The following SLC49A4 variants were observed in gnomAD, a reference collection of about 807,000 sequenced individuals.
The protein encoded by SLC49A4 is solute carrier family 49 member 4, also known as disrupted in renal cancer protein 2.
A neutral mutation model predicts 50.6 loss-of-function variants in SLC49A4; 36 were observed. That is an observed-to-expected ratio of 0.71 (90% confidence interval 0.55 to 0.94). SLC49A4 has a LOEUF of 0.94. Among genes scored for constraint, SLC49A4 ranks in the 40% least tolerant of loss-of-function variants. SLC49A4 has a pLI of 0.00. For missense variants in SLC49A4, 503 were observed against 605.7 expected (o/e 0.83, Z 1.78); for synonymous variants, 248 against 241.2 (o/e 1.03, Z -0.26).
intron 2 of SLC49A4, among the ~76,000 whole-genome samples, chr3:122,808,395 A>G (rs1011986955): frequency 2.0e-5 from 3 of 152,220 alleles, no homozygotes; most frequent in East Asian, 1.9e-4. Flanking sequence ...CTAACTGGGA[A>G]GATAACCTTT....
intron 5 of SLC49A4, among the ~76,000 whole-genome samples, chr3:122,849,965 C>T (rs941618528): frequency 5.3e-5 from 8 of 151,986 alleles, no homozygotes; most frequent in African/African-American, 1.9e-4. Context: ...TCAAGTCTTA[C>T]ATTGAACCCT....
chr3:122,845,588 T>C (rs111237342), intron 4 of SLC49A4, among the ~76,000 whole-genome samples, 175 bp from the exon 5 acceptor site: 137 of 149,980 alleles, frequency 9.1e-4, no homozygotes, highest in African/African-American at 3.1e-3. Flanking sequence ...TTTCCTTTTC[T>C]CTGCTACCTT....
intron 2 of SLC49A4, among the ~76,000 whole-genome samples, chr3:122,815,860 C>T (rs780662987): frequency 7.9e-5 from 12 of 152,238 alleles, no homozygotes; most frequent in African/African-American, 2.9e-4. Context: ...GATTTGGGAA[C>T]CTGAAGATTA....
intron 6 of SLC49A4, among the ~76,000 whole-genome samples, chr3:122,857,307 G>GAAAAGAATTAA: frequency 1.0e-5 from 1 of 95,602 alleles, no homozygotes; most frequent in Non-Finnish European, 2.3e-5. Context: ...AAAAAAAAAG[G>GAAAAGAATTAA]AAAAGAATTA....
At chr3:122,856,263 G>A in intron 5 of SLC49A4, 44 bp from the exon 6 acceptor site, 1 of 1,593,300 alleles carries the variant, frequency 6.3e-7, no homozygotes, top group African/African-American at 1.3e-5. Context: ...TTATATTGCA[G>A]TATGATTGTC....
In SLC49A4 at chr3:122,795,249, C is replaced by G. The variant is rs1259277325; in HGVS notation, c.57C>G (p.Leu19=). The part of the protein sequence containing the change: ...EERQPLLGPG[L]GPGLGASWRS... ...GGCAGCCGCTGCTGGGGCCCGGGCT[C>G]GGGCCTGGGCTGGGGGCCTCCTGGA... The change falls in exon 1 of 9, where the codon CTC becomes CTG. Residue 19 remains leucine (L), a synonymous_variant. Coordinates refer to ENST00000261038, the MANE Select transcript of SLC49A4 (RefSeq NM_032839.3). The G allele has an allele frequency of 1.5e-6, 2 of 1,347,606 alleles. No homozygotes were observed. Among genetic ancestry groups the G allele is most frequent in the Non-Finnish European group, 9.4e-7 (1 of 1,059,010 alleles). 83.5% of individuals were successfully genotyped at this position (1,347,606 alleles called of 1,614,324 possible).
At chr3:122,850,837 TACTG>T (rs1936917175) in intron 5 of SLC49A4, among the ~76,000 whole-genome samples, 1 of 152,216 alleles carries the variant, frequency 6.6e-6, no homozygotes, top group African/African-American at 2.4e-5. Context: ...TTAATACAAT[TACTG>T]ACAAGTTTGG....
chr3:122,811,823 TCTTA>T (rs1226901448), intron 2 of SLC49A4, among the ~76,000 whole-genome samples: 4 of 152,214 alleles, frequency 2.6e-5, no homozygotes, highest in Admixed American at 2.6e-4. Context: ...TTTAGTATGT[TCTTA>T]CTTGGAAAAA....
chr3:122,860,588 A>T (rs1213182363), intron 7 of SLC49A4, among the ~76,000 whole-genome samples: 1 of 152,204 alleles, frequency 6.6e-6, no homozygotes, highest in Non-Finnish European at 1.5e-5. Context: ...AAGTTATTTG[A>T]ACCAGCCCCT....
chr3:122,810,204 T>C (rs1215245689), intron 2 of SLC49A4, among the ~76,000 whole-genome samples: 2 of 152,214 alleles, frequency 1.3e-5, no homozygotes, highest in Admixed American at 6.5e-5. Flanking sequence ...ATAGCAGCAT[T>C]CTGACAAGCT....
intron 7 of SLC49A4, among the ~76,000 whole-genome samples, chr3:122,869,325 C>T (rs1937164604): frequency 6.6e-6 from 1 of 151,946 alleles, no homozygotes; most frequent in Non-Finnish European, 1.5e-5. Context: ...GTGTATGTGC[C>T]GTTTATTTTA....
At chr3:122,795,859 A>G (rs535610570) in intron 1 of SLC49A4, among the ~76,000 whole-genome samples, 1 of 152,340 alleles carries the variant, frequency 6.6e-6, no homozygotes, top group East Asian at 1.9e-4. Flanking sequence ...TGTGTTTTAC[A>G]CCTGACAAAA....
chr3:122,855,598 T>A (rs1936977861), intron 5 of SLC49A4, among the ~76,000 whole-genome samples: 1 of 152,104 alleles, frequency 6.6e-6, no homozygotes, highest in Admixed American at 6.6e-5. Context: ...ATTCGTAGAT[T>A]GCTGTGAAAA....
At chr3:122,815,931 G>A (rs1318056782) in intron 2 of SLC49A4, among the ~76,000 whole-genome samples, 1 of 152,128 alleles carries the variant, frequency 6.6e-6, no homozygotes, top group Non-Finnish European at 1.5e-5. Context: ...TTGGCAATAC[G>A]CTTCCCTCAA....
At chr3:122,857,422 A>G (rs910168123) in intron 6 of SLC49A4, among the ~76,000 whole-genome samples, 4 of 152,184 alleles carry the variant, frequency 2.6e-5, no homozygotes, top group Non-Finnish European at 4.4e-5. Flanking sequence ...CAAAAACAAA[A>G]TTAGGCAATC....
intron 2 of SLC49A4, among the ~76,000 whole-genome samples, chr3:122,816,688 C>T (rs146146388): frequency 2.0e-5 from 3 of 152,276 alleles, no homozygotes; most frequent in East Asian, 1.9e-4. Flanking sequence ...TTCTGATCTA[C>T]GAGGTTGTCT....
At chr3:122,870,282 CTT>C (rs1484939661) in intron 7 of SLC49A4, among the ~76,000 whole-genome samples, 1 of 151,906 alleles carries the variant, frequency 6.6e-6, no homozygotes, top group Non-Finnish European at 1.5e-5. Flanking sequence ...GTTTTAAACT[CTT>C]AGGCTCATCA....
intron 2 of SLC49A4, among the ~76,000 whole-genome samples, chr3:122,821,427 A>G (rs762941308): frequency 6.6e-6 from 1 of 152,160 alleles, no homozygotes; most frequent in Non-Finnish European, 1.5e-5. Context: ...ATGGAGAAAC[A>G]GGAGAGAGTT....
At chr3:122,806,433 AGTGGT>A (rs1262236652) in intron 1 of SLC49A4, among the ~76,000 whole-genome samples, 1 of 152,118 alleles carries the variant, frequency 6.6e-6, no homozygotes, top group African/African-American at 2.4e-5. Flanking sequence ...GCTGGAGTGA[AGTGGT>A]GTGATCTCAG....
Sources: gnomAD v4.1 joint callset for allele counts (sites outside exome capture counted in the v4.1 genomes callset) on GRCh38, gnomAD v4.1.1 for gene constraint, MANE v1.5 for transcripts, NCBI Gene and HGNC (gene_info 2026-07-23, HGNC 2026-07-21) for gene names.